The following ERC1 variants were observed in gnomAD, a reference collection of about 807,000 sequenced individuals.
The protein encoded by ERC1 is RAB6 interacting protein 2.
In ERC1, 56 loss-of-function variants were observed where a neutral mutation model predicts 132.0. That is an observed-to-expected ratio of 0.42 (90% CI 0.34 to 0.53). ERC1 has a LOEUF of 0.53. ERC1 is among the 20% of genes least tolerant of loss of function. The pLI is 0.03. For missense variants in ERC1, 1,202 were observed against 1,349.9 expected, an observed-to-expected ratio of 0.89 and a Z score of 1.72; for synonymous variants, 478 against 476.1, an observed-to-expected ratio of 1.00 and a Z score of -0.05.
In ERC1 at chr12:1,028,430, A is replaced by G; in HGVS notation, c.527A>G (p.Glu176Gly). 6.2e-7 allele frequency: 1 copy of G among 1,614,210 alleles called. No homozygotes were observed. Among genetic ancestry groups the G allele is most frequent in the East Asian group, 2.2e-5 (1 of 44,884 alleles). Residue 176 changes from glutamate (E) to glycine (G), a missense_variant, in exon 2 of 19, where the codon GAG (glutamate) becomes GGG (glycine). Coordinates refer to ENST00000360905, the MANE Select transcript of ERC1 (RefSeq NM_178040.4). ...TTGCGGAAGGATGTGGAAGTAAAGGAGAGCAAATTGAGTTCTTCAATGAAT... is the reference window on the plus strand; with the variant it reads ...TTGCGGAAGGATGTGGAAGTAAAGGGGAGCAAATTGAGTTCTTCAATGAAT... Reference protein sequence around the residue: ...DLLRKDVEVKESKLSSSMNSI... With the variant: ...DLLRKDVEVKGSKLSSSMNSI...
At chr12:1,484,073 A>AGG (rs1565529635) in intron 18 of ERC1, among the ~76,000 whole-genome samples, 1 of 150,958 alleles carries the variant, frequency 6.6e-6, no homozygotes, top group Non-Finnish European at 1.5e-5. Flanking sequence ...TGGGAGGCTG[A>AGG]GGCGGGCGGA....
At chr12:1,207,411 G>A (rs1333697920) in intron 12 of ERC1, among the ~76,000 whole-genome samples, 1 of 152,124 alleles carries the variant, frequency 6.6e-6, no homozygotes, top group African/African-American at 2.4e-5. Flanking sequence ...CCAGGAGAAT[G>A]ATCGTTATTA....
intron 2 of ERC1, among the ~76,000 whole-genome samples, chr12:1,051,606 C>G (rs1395660824): frequency 2.0e-5 from 3 of 150,970 alleles, no homozygotes; most frequent in South Asian, 2.1e-4. Context: ...CAAATCCCAG[C>G]TACTCAGGAG....
rs971634303 is a variant in ERC1 at position 1,490,516 on chromosome 12, G to A, written c.*286G>A. On this transcript the variant is annotated 3_prime_UTR_variant, in exon 19 of 19. Transcript: ENST00000360905. ...GGTCATCAGCAGTGGAGAACTGTGGGAGCTGGTGGCTCTGCCCTGACAGAG... is the reference window on the plus strand; with the variant it reads ...GGTCATCAGCAGTGGAGAACTGTGGAAGCTGGTGGCTCTGCCCTGACAGAG... 36 of 374,872 alleles carry A rather than the reference G, an allele frequency of 9.6e-5. No homozygotes were observed. The highest frequency in any genetic ancestry group is 6.1e-4 in the African/African-American group (31 of 50,896). 23.2% of individuals were successfully genotyped at this position (374,872 alleles called of 1,614,324 possible).
chr12:1,072,016 G>T (rs1008117842), intron 2 of ERC1, among the ~76,000 whole-genome samples: 1 of 151,596 alleles, frequency 6.6e-6, no homozygotes, highest in African/African-American at 2.4e-5. Flanking sequence ...TATGAGAATC[G>T]CTTGAACCTG....
chr12:1,332,439 A>C (rs1378111718), intron 15 of ERC1, among the ~76,000 whole-genome samples: 2 of 152,204 alleles, frequency 1.3e-5, no homozygotes, highest in African/African-American at 4.8e-5. Flanking sequence ...TTCACGTATT[A>C]GTCAATTCTT....
chr12:1,473,644 A>G (rs1222006159), intron 18 of ERC1, among the ~76,000 whole-genome samples: 1 of 151,632 alleles, frequency 6.6e-6, no homozygotes, highest in Non-Finnish European at 1.5e-5. Flanking sequence ...AAAAAAAAAA[A>G]AAAAAGGACA....
At chr12:1,152,306 G>A (rs1169707247) in intron 8 of ERC1, 1 of 152,176 alleles carries the variant, frequency 6.6e-6, no homozygotes, top group African/African-American at 2.4e-5. Flanking sequence ...GATGATAAAA[G>A]CCCCTAAAAT....
intron 1 of ERC1, among the ~76,000 whole-genome samples, chr12:997,328 C>T (rs1320789923): frequency 6.6e-6 from 1 of 152,152 alleles, no homozygotes; most frequent in African/African-American, 2.4e-5. Flanking sequence ...TTTTTCATGT[C>T]GTCTTTGTGG....
At chr12:998,791 C>T (rs148882699) in intron 1 of ERC1, among the ~76,000 whole-genome samples, 2 of 151,456 alleles carry the variant, frequency 1.3e-5, no homozygotes, top group African/African-American at 4.8e-5. Context: ...TCTCTCTTCT[C>T]TTGAGGTCTT....
intron 15 of ERC1, among the ~76,000 whole-genome samples, chr12:1,303,132 T>C (rs1301117683): frequency 4.6e-5 from 7 of 152,194 alleles, no homozygotes; most frequent in Non-Finnish European, 8.8e-5. Context: ...GTCCTGCCTC[T>C]ATCTTGATGG....
chr12:1,064,654 A>G (rs1349461649), intron 2 of ERC1, among the ~76,000 whole-genome samples: 1 of 152,162 alleles, frequency 6.6e-6, no homozygotes, highest in African/African-American at 2.4e-5. Flanking sequence ...TGGCCTCCCA[A>G]AGCATTGGGA....
At chr12:1,144,636 G>GTATATATATATATATATATATA (rs1353092300) in intron 8 of ERC1, among the ~76,000 whole-genome samples, 2 of 137,746 alleles carry the variant, frequency 1.5e-5, no homozygotes, top group African/African-American at 6.3e-5. Flanking sequence ...ATATATATAC[G>GTATATATATATATATATATATA]TGTATATATA....
intron 12 of ERC1, among the ~76,000 whole-genome samples, chr12:1,211,158 T>C (rs1957830618): frequency 1.3e-5 from 2 of 152,118 alleles, no homozygotes; most frequent in Non-Finnish European, 1.5e-5. Context: ...TATATATATA[T>C]ATATTTTGAG....
At chr12:1,081,986 T>C (rs1282600717) in intron 2 of ERC1, among the ~76,000 whole-genome samples, 1 of 151,964 alleles carries the variant, frequency 6.6e-6, no homozygotes, top group East Asian at 1.9e-4. Context: ...ATGTTTATAA[T>C]ACTTAAAAGT....
At chr12:1,323,480 A>G (rs918423797) in intron 15 of ERC1, among the ~76,000 whole-genome samples, 6 of 152,242 alleles carry the variant, frequency 3.9e-5, no homozygotes, top group African/African-American at 9.6e-5. Context: ...GTCACTGTCT[A>G]TAATTCTTAC....
chr12:1,145,452 A>C (rs1285160606), intron 8 of ERC1, among the ~76,000 whole-genome samples: 2 of 152,050 alleles, frequency 1.3e-5, no homozygotes, highest in African/African-American at 4.8e-5. Context: ...GATGATTTGA[A>C]TTCTTTGTAG....
chr12:1,334,414 G>A (rs1279584687), intron 15 of ERC1, among the ~76,000 whole-genome samples: 1 of 152,156 alleles, frequency 6.6e-6, no homozygotes, highest in Non-Finnish European at 1.5e-5. Flanking sequence ...TTTGTATAGG[G>A]TGTAAGGAAG....
At chr12:1,460,826 A>C (rs1164338555) in intron 18 of ERC1, among the ~76,000 whole-genome samples, 1 of 151,774 alleles carries the variant, frequency 6.6e-6, no homozygotes, top group East Asian at 1.9e-4. Context: ...GTGACATCCT[A>C]ACTTGAACTC....
Sources: allele counts gnomAD v4.1 joint callset (sites outside exome capture counted in the v4.1 genomes callset), GRCh38; gene constraint gnomAD v4.1.1; transcripts MANE v1.5; gene names NCBI Gene and HGNC (gene_info 2026-07-23, HGNC 2026-07-21).